CSDE1: variants seen among roughly 807,000 people sequenced by gnomAD.
The protein encoded by CSDE1 is cold shock domain-containing protein E1.
In CSDE1, 17 loss-of-function variants were observed where a neutral mutation model predicts 89.3. The ratio of observed to expected loss-of-function variants is 0.19; its 90% CI spans 0.13 to 0.29. The LOEUF (loss-of-function observed/expected upper bound fraction) is 0.29. Among genes scored for constraint, CSDE1 ranks in the 10% least tolerant of loss-of-function variants. The pLI is 1.00. For synonymous variants in CSDE1, 322 were observed against 332.8 expected (o/e 0.97, Z 0.35); for missense variants, 672 against 984.2 (o/e 0.68, Z 4.24).
intron 9 of CSDE1, among the ~76,000 whole-genome samples, chr1:114,733,458 G>A (rs1031923380): frequency 3.3e-5 from 5 of 151,104 alleles, no homozygotes; most frequent in Non-Finnish European, 7.4e-5. Flanking sequence ...CCCGGGAGGC[G>A]GAGGTTGCAG....
chr1:114,742,485 G>A (rs936141536), intron 2 of CSDE1, among the ~76,000 whole-genome samples: 7 of 152,138 alleles, frequency 4.6e-5, no homozygotes, highest in African/African-American at 1.4e-4. Flanking sequence ...AGGAGGGGGA[G>A]GCATGAGAAT....
Position 114,733,874 on chromosome 1 carries a change from T to G in CSDE1, c.712-17A>C. 6.2e-7 allele frequency: 1 copy of G among 1,613,282 alleles called. No individual in the cohort carries two copies. ...TTCTTTACCCTAAATCAGAAGGGGT[T>G]GGAGGTGGTGGGGGGACAGAGGAAG... On this transcript the variant is annotated splice_polypyrimidine_tract_variant and intron_variant, in intron 8 of 19. Transcript: ENST00000358528.
At chr1:114,740,266 C>T (rs767162410) in intron 2 of CSDE1, among the ~76,000 whole-genome samples, 3 of 152,188 alleles carry the variant, frequency 2.0e-5, no homozygotes, top group Non-Finnish European at 4.4e-5. Flanking sequence ...CCACAAACTA[C>T]CAAAGACTCT....
In CSDE1 at chr1:114,717,307, T is replaced by C. The variant is rs890836948; in HGVS notation, c.*862A>G. The C allele has an allele frequency of 7.9e-5, 12 of 152,490 alleles. No individual in the cohort carries two copies. Among genetic ancestry groups the C allele is most frequent in the African/African-American group, 2.4e-4 (10 of 41,328 alleles). The allele number at this position is 152,490 out of a possible 1,614,324, so 9.4% of individuals were successfully genotyped here. On this transcript the variant is annotated 3_prime_UTR_variant, in exon 20 of 20. Coordinates refer to ENST00000358528, the MANE Select transcript of CSDE1 (RefSeq NM_001007553.3). ...ACAAGATTCATTTCAGGCACAACTT[T>C]TTTATTTTTTTTTGTTTTGTTTTTA...
Position 114,720,673 on chromosome 1 carries a change from C to T in CSDE1, c.1918G>A (p.Ala640Thr). 10 of 1,614,130 alleles carry T rather than the reference C, an allele frequency of 6.2e-6. No individual in the cohort carries two copies. Among genetic ancestry groups the T allele is most frequent in the Non-Finnish European group, 8.5e-6 (10 of 1,180,018 alleles). ...EVYPFGIVGM[A>T]NKGDCLQKGE... ...TTCTGCAGGCAATCCCCTTTGTTGG[C>T]CATCCCAACGATGCCAAATGGATAG... The change falls in exon 17 of 20, where the codon GCC (alanine) becomes ACC (threonine). Residue 640 changes from alanine to threonine, a missense_variant. By Grantham distance (58) the Ala-to-Thr change is moderately conservative (BLOSUM62 0). Around this residue, in one of 8 missense-constraint regions of CSDE1, gnomAD observed 206 missense variants for 332.4 expected, o/e 0.62. Coordinates refer to ENST00000358528, the MANE Select transcript of CSDE1 (RefSeq NM_001007553.3).
intron 2 of CSDE1, among the ~76,000 whole-genome samples, chr1:114,743,532 T>C (rs1348786789): frequency 6.6e-6 from 1 of 152,188 alleles, no homozygotes; most frequent in Non-Finnish European, 1.5e-5. Flanking sequence ...CTGATTACTA[T>C]TAAACAAGAA....
At chr1:114,728,679 G>C (rs2101029086) in intron 12 of CSDE1, among the ~76,000 whole-genome samples, 1 of 152,256 alleles carries the variant, frequency 6.6e-6, no homozygotes, top group East Asian at 1.9e-4. Context: ...TTTTATTTTT[G>C]TTAACAGTAT....
chr1:114,757,339 CACAA>C lies in CSDE1; in HGVS notation c.-388+582_-388+585del, dbSNP rs572004612. On this transcript the variant is annotated intron_variant, in intron 1 of 19. Coordinates refer to ENST00000358528, the MANE Select transcript of CSDE1 (RefSeq NM_001007553.3). ...AGATGGAGCAGGGTCTCAGTCTATA[CACAA>C]AGAAGGCGCCACTGCCGCACTGCGC... Among the ~76,000 whole-genome samples the C allele has an allele frequency of 2.5e-3, 378 of 152,262 alleles. 1 individual carries two copies. Among genetic ancestry groups the C allele is most frequent in the African/African-American group, 8.6e-3 (356 of 41,538 alleles).
At chr1:114,718,471 T>C in intron 19 of CSDE1, 142 bp downstream of exon 19, 1 of 1,168,948 alleles carries the variant, frequency 8.6e-7, no homozygotes, top group Non-Finnish European at 1.2e-6. Flanking sequence ...GCTGAACCAA[T>C]GTGTAGAAAG....
intron 2 of CSDE1, among the ~76,000 whole-genome samples, chr1:114,743,781 G>A (rs1265520831): frequency 6.6e-6 from 1 of 152,152 alleles, no homozygotes; most frequent in African/African-American, 2.4e-5. Context: ...CTCATCCCTA[G>A]ACACATACCA....
chr1:114,740,086 G>C (rs972423604), intron 2 of CSDE1, among the ~76,000 whole-genome samples, 196 bp from the exon 3 acceptor site: 1 of 152,062 alleles, frequency 6.6e-6, no homozygotes, highest in African/African-American at 2.4e-5. Context: ...ATTATATTGG[G>C]GAATTGCCCC....
intron 1 of CSDE1, among the ~76,000 whole-genome samples, chr1:114,754,466 T>G (rs570701211): frequency 2.0e-5 from 3 of 152,354 alleles, no homozygotes; most frequent in Admixed American, 2.0e-4. Context: ...TGTGCAGCAC[T>G]CACTTCGGGA....
chr1:114,732,947 A>G, intron 9 of CSDE1, 131 bp from the exon 10 acceptor site: 1 of 718,316 alleles, frequency 1.4e-6, no homozygotes, highest in Non-Finnish European at 2.3e-6. Flanking sequence ...AGGTGTTGAC[A>G]ACATAAGTCC....
At chr1:114,754,314 C>T (rs541326098) in intron 1 of CSDE1, among the ~76,000 whole-genome samples, 145 of 152,332 alleles carry the variant, frequency 9.5e-4, no homozygotes, top group African/African-American at 3.2e-3. Flanking sequence ...TATTTCATGT[C>T]TTCCTCGGCT....
chr1:114,732,798 G>A lies in CSDE1; in HGVS notation c.856C>T (p.Arg286Cys), dbSNP rs762676121. Residue 286 changes from arginine (R) to cysteine (C), a missense_variant, in exon 10 of 20, where the codon CGC (arginine) becomes TGC (cysteine). Physicochemically the swap from Arg to Cys is radical, Grantham distance 180. Around this residue, in one of 8 missense-constraint regions of CSDE1, gnomAD observed 169 missense variants for 262.9 expected, o/e 0.64. Transcript: ENST00000358528. Reference protein sequence around the residue: ...SKNQNDPLPGRIKVDFVIPKE... With the variant: ...SKNQNDPLPGCIKVDFVIPKE... ...GGGATCACAAAGTCAACTTTGATGC[G>A]TCCTGGCAATGGGTCATTCTGATGA... 4 of 1,614,072 alleles carry A rather than the reference G, an allele frequency of 2.5e-6. No homozygotes were observed. The highest frequency in any genetic ancestry group is 4.5e-5 in the East Asian group (2 of 44,868).
chr1:114,752,922 C>T (rs1001022083), intron 1 of CSDE1, among the ~76,000 whole-genome samples: 6 of 152,280 alleles, frequency 3.9e-5, no homozygotes, highest in African/African-American at 1.4e-4. Flanking sequence ...AGCCTCCTTT[C>T]GCACCTAATC....
chr1:114,756,676 G>A (rs1048384405), intron 1 of CSDE1: 2 of 152,204 alleles, frequency 1.3e-5, no homozygotes, highest in Admixed American at 6.5e-5. Flanking sequence ...AACTACCACA[G>A]TGCCTTTGAG....
At position 114,741,700 on chromosome 1, in the gene CSDE1, A is replaced by G. The variant is rs374907122; in HGVS notation, c.1-1810T>C. 5 of 1,459,114 alleles carry G rather than the reference A, an allele frequency of 3.4e-6. No individual in the cohort carries two copies. The African/African-American group carries it at 7.1e-5, about 21-fold the overall frequency. 90.4% of individuals were successfully genotyped at this position (1,459,114 alleles called of 1,614,324 possible). A position where few individuals can be genotyped will look rare whatever the true frequency, so the allele number is the denominator to read the frequency against. On this transcript the variant is annotated intron_variant, in intron 2 of 19. Coordinates refer to ENST00000358528, the MANE Select transcript of CSDE1 (RefSeq NM_001007553.3). ...TGTTATAACATAGCATAATGTTGAT[A>G]ACTATGATCAATAACAATTTAATGC...
intron 7 of CSDE1, 86 bp downstream of exon 7, chr1:114,734,350 TAAAAAA>T (rs1660275383): frequency 1.6e-6 from 2 of 1,244,220 alleles, no homozygotes; most frequent in Non-Finnish European, 2.3e-6. Flanking sequence ...AAGGGTAAGA[TAAAAAA>T]GAAAAAAAAA....
Sources: gnomAD v4.1 joint callset for allele counts (sites outside exome capture counted in the v4.1 genomes callset) on GRCh38, gnomAD v4.1.1 for gene constraint, gnomAD v4.1.1 regional missense constraint, MANE v1.5 for transcripts, NCBI Gene and HGNC (gene_info 2026-07-23, HGNC 2026-07-21) for gene names.